Variants in XKR3 observed in about 807,000 individuals in gnomAD.
The protein encoded by XKR3 is XK-related protein 3.
In XKR3, 27 loss-of-function variants were observed where a neutral mutation model predicts 40.3. That is an observed-to-expected ratio of 0.67 (90% CI 0.49 to 0.92). XKR3 has a LOEUF of 0.92. Ranked by LOEUF, XKR3 falls within the 40% of genes least tolerant of loss-of-function variation. The pLI is 0.00. For missense variants in XKR3, 472 were observed against 537.6 expected, an observed-to-expected ratio of 0.88 and a Z score of 1.21; for synonymous variants, 193 against 195.4, an observed-to-expected ratio of 0.99 and a Z score of 0.10.
At chr22:16,812,859 T>C (rs544155803) in intron 1 of XKR3, among the ~76,000 whole-genome samples, 5 of 152,298 alleles carry the variant, frequency 3.3e-5, no homozygotes, top group African/African-American at 1.2e-4. Flanking sequence ...TAAGCCATTT[T>C]CTGTCTCTGT....
intron 1 of XKR3, among the ~76,000 whole-genome samples, chr22:16,819,688 A>G (rs1169303851): frequency 6.6e-6 from 1 of 152,098 alleles, no homozygotes; most frequent in Non-Finnish European, 1.5e-5. Context: ...AGAAAATTCA[A>G]CCCTCTTAGG....
In XKR3 at chr22:16,783,604, G is replaced by A; in HGVS notation, c.*15C>T. ...CATCTTTACTCATTGTTCTGTGAAAGTATATATGTATATTTTATGAACATG... is the reference window on the plus strand; with the variant it reads ...CATCTTTACTCATTGTTCTGTGAAAATATATATGTATATTTTATGAACATG... On this transcript the variant is annotated 3_prime_UTR_variant, in exon 4 of 4. Transcript: ENST00000684488. 6.5e-7 allele frequency: 1 copy of A among 1,538,938 alleles called. No homozygotes were observed. Among genetic ancestry groups the A allele is most frequent in the Non-Finnish European group, 8.7e-7 (1 of 1,145,496 alleles).
chr22:16,820,197 T>A (rs2060249931), intron 1 of XKR3, among the ~76,000 whole-genome samples: 1 of 152,176 alleles, frequency 6.6e-6, no homozygotes, highest in Middle Eastern at 3.2e-3. Flanking sequence ...AAAAAAACTG[T>A]ACATGAAGGT....
intron 3 of XKR3, 82 bp from the exon 4 acceptor site, chr22:16,784,491 G>GAT (rs772824702): frequency 1.1e-5 from 14 of 1,275,768 alleles, no homozygotes; most frequent in Non-Finnish European, 1.5e-5. Context: ...GCCATTTTAA[G>GAT]ATATATTCTT....
At chr22:16,790,357 A>T (rs1371856608) in intron 3 of XKR3, among the ~76,000 whole-genome samples, 1 of 146,766 alleles carries the variant, frequency 6.8e-6, no homozygotes, top group Non-Finnish European at 1.5e-5. Context: ...AAAAAAAAAA[A>T]ATCAGAGTGA....
intron 2 of XKR3, among the ~76,000 whole-genome samples, chr22:16,807,487 A>C (rs2286985): frequency 0.87 from 132,778 of 152,198 alleles, 58,219 homozygotes; most frequent in African/African-American, 0.96. Context: ...AAAGACTGGA[A>C]TACAACACAT....
intron 2 of XKR3, among the ~76,000 whole-genome samples, chr22:16,801,065 T>A (rs1427524702): frequency 6.6e-6 from 1 of 152,142 alleles, no homozygotes; most frequent in Non-Finnish European, 1.5e-5. Context: ...TGATGGAGAT[T>A]ATAGGGCATT....
intron 3 of XKR3, among the ~76,000 whole-genome samples, chr22:16,796,679 T>C (rs1165612779): frequency 1.6e-4 from 24 of 152,158 alleles, no homozygotes; most frequent in Non-Finnish European, 2.8e-4. Flanking sequence ...ATCAAAAGAA[T>C]GTACTTGAAA....
In XKR3 at chr22:16,808,017, C is replaced by A. The variant is rs267606171; in HGVS notation, c.57G>T (p.Ser19=). 6.2e-7 allele frequency: 1 copy of A among 1,613,202 alleles called. No homozygotes were observed. Among genetic ancestry groups the A allele is most frequent in the Non-Finnish European group, 8.5e-7 (1 of 1,179,696 alleles). ...TCTGGCCAAGGACTATTTCTTCTTT[C>A]GAAGATGAAACTCCTCCTGTGCTTT... ...DEESTGGVSS[S]KEEIVLGQRL... Residue 19 remains serine, a synonymous_variant, in exon 2 of 4, where the codon TCG becomes TCT. Coordinates refer to ENST00000684488, the MANE Select transcript of XKR3 (RefSeq NM_001386955.1).
At chr22:16,785,858 C>T (rs1265282397) in intron 3 of XKR3, among the ~76,000 whole-genome samples, 3 of 152,026 alleles carry the variant, frequency 2.0e-5, no homozygotes, top group Non-Finnish European at 4.4e-5. Context: ...AAAAAACAAA[C>T]AAACAAATAA....
At chr22:16,801,071 G>A (rs2060166890) in intron 2 of XKR3, among the ~76,000 whole-genome samples, 1 of 152,108 alleles carries the variant, frequency 6.6e-6, no homozygotes, top group South Asian at 2.1e-4. Context: ...AGATTATAGG[G>A]CATTTAAGAA....
At chr22:16,792,518 CA>C (rs1412980179) in intron 3 of XKR3, among the ~76,000 whole-genome samples, 2 of 152,152 alleles carry the variant, frequency 1.3e-5, no homozygotes, top group African/African-American at 4.8e-5. Flanking sequence ...TTTATTCAGC[CA>C]TCATTTGTTT....
intron 1 of XKR3, 60 bp from the exon 2 acceptor site, chr22:16,808,143 A>T: frequency 7.9e-7 from 1 of 1,267,268 alleles, no homozygotes. Flanking sequence ...AAATTTAAAC[A>T]GAAGTAAACA....
At chr22:16,806,695 C>A in intron 2 of XKR3, among the ~76,000 whole-genome samples, 1 of 151,968 alleles carries the variant, frequency 6.6e-6, no homozygotes, top group Non-Finnish European at 1.5e-5. Flanking sequence ...GCATTGGCCT[C>A]CCAAAGAGCT....
chr22:16,797,725 G>A (rs1357761582), intron 3 of XKR3, among the ~76,000 whole-genome samples: 8 of 150,924 alleles, frequency 5.3e-5, no homozygotes, highest in African/African-American at 1.2e-4. Flanking sequence ...CCCAGGAGGC[G>A]GAACTTGCAG....
chr22:16,813,148 G>T (rs2060219550), intron 1 of XKR3, among the ~76,000 whole-genome samples: 1 of 152,076 alleles, frequency 6.6e-6, no homozygotes, highest in South Asian at 2.1e-4. Context: ...GCCTGGCGTG[G>T]TGGCAGGTGC....
chr22:16,804,852 C>G (rs1365059499), intron 2 of XKR3, among the ~76,000 whole-genome samples: 2 of 152,120 alleles, frequency 1.3e-5, no homozygotes, highest in Non-Finnish European at 2.9e-5. Flanking sequence ...ATGTATAAAA[C>G]CACGCTGTAC....
chr22:16,783,677 C>T lies in XKR3; in HGVS notation c.1322G>A (p.Cys441Tyr). The T allele has an allele frequency of 6.2e-7, 1 of 1,612,558 alleles. No homozygotes were observed. Among genetic ancestry groups the T allele is most frequent in the Non-Finnish European group, 8.5e-7 (1 of 1,179,666 alleles). ...ATATCCAACCCTATTGCAGGAGTGA[C>T]AGTAATTCCTCAGCTGCTTATTTTT... ...KNKNKQLRNY[C>Y]HSCNRVGYFS... is the part of the protein sequence containing the mutation. The change falls in exon 4 of 4, where the codon TGT becomes TAT. Residue 441 changes from cysteine (C) to tyrosine (Y), a missense_variant. Coordinates refer to ENST00000684488, the MANE Select transcript of XKR3 (RefSeq NM_001386955.1).
chr22:16,821,658 T>A (rs1195025958), intron 1 of XKR3: 1 of 151,632 alleles, frequency 6.6e-6, no homozygotes, highest in Admixed American at 6.6e-5. Context: ...TGGGAGGGAG[T>A]TTCACTGATA....
Sources: allele counts gnomAD v4.1 joint callset (sites outside exome capture counted in the v4.1 genomes callset), GRCh38; gene constraint gnomAD v4.1.1; transcripts MANE v1.5; gene names NCBI Gene and HGNC (gene_info 2026-07-23, HGNC 2026-07-21).